The following TMOD3 variants were observed in gnomAD, a reference collection of about 807,000 sequenced individuals.
TMOD3 encodes the protein tropomodulin 3, also known as tropomodulin-3.
TMOD3 carries 20 observed loss-of-function variants against 39.2 expected under a neutral mutation model. That is an observed-to-expected ratio of 0.51 (90% CI 0.36 to 0.74). TMOD3 has a LOEUF of 0.74. TMOD3 is among the 30% of genes least tolerant of loss of function. The pLI is 0.00. For synonymous variants in TMOD3, 143 were observed against 145.8 expected, an observed-to-expected ratio of 0.98 and a Z score of 0.14; for missense variants, 381 against 412.8, an observed-to-expected ratio of 0.92 and a Z score of 0.67.
At chr15:51,871,006 C>T (rs2056472131) in intron 3 of TMOD3, among the ~76,000 whole-genome samples, 1 of 152,030 alleles carries the variant, frequency 6.6e-6, no homozygotes, top group Non-Finnish European at 1.5e-5. Context: ...ATTGGCTTTA[C>T]TTAGAGTCTG....
intron 9 of TMOD3, among the ~76,000 whole-genome samples, chr15:51,902,494 C>T (rs967574412): frequency 1.3e-5 from 2 of 152,022 alleles, no homozygotes; most frequent in African/African-American, 2.4e-5. Flanking sequence ...TTTTTTGAGA[C>T]GGAGCCTCGC....
intron 7 of TMOD3, among the ~76,000 whole-genome samples, chr15:51,898,657 A>C (rs2056633486): frequency 6.6e-6 from 1 of 152,228 alleles, no homozygotes. Context: ...TGTAGATACC[A>C]GCCACAGTTT....
At chr15:51,880,762 G>A (rs1418238329) in intron 3 of TMOD3, among the ~76,000 whole-genome samples, 3 of 152,160 alleles carry the variant, frequency 2.0e-5, no homozygotes, top group Non-Finnish European at 4.4e-5. Flanking sequence ...CTTTTTAGCT[G>A]TTGTGAATAT....
At chr15:51,856,217 T>C (rs1595894192) in intron 1 of TMOD3, among the ~76,000 whole-genome samples, 1 of 152,320 alleles carries the variant, frequency 6.6e-6, no homozygotes, top group East Asian at 1.9e-4. Context: ...GAGCCGTCAT[T>C]GCACCACTGT....
At chr15:51,876,544 C>T (rs981654165) in intron 3 of TMOD3, among the ~76,000 whole-genome samples, 3 of 149,724 alleles carry the variant, frequency 2.0e-5, no homozygotes, top group African/African-American at 4.9e-5. Flanking sequence ...TCACTGCAGG[C>T]TCCACCCCCT....
intron 1 of TMOD3, among the ~76,000 whole-genome samples, chr15:51,840,677 T>A (rs1223253321): frequency 6.6e-6 from 1 of 152,160 alleles, no homozygotes; most frequent in Non-Finnish European, 1.5e-5. Flanking sequence ...TTAAATGGAG[T>A]CCCTGATGCT....
chr15:51,859,269 T>C, intron 1 of TMOD3: 2 of 739,196 alleles, frequency 2.7e-6, no homozygotes, highest in South Asian at 2.7e-5. Flanking sequence ...TGCTCGCCAG[T>C]AGATCTGTCT....
chr15:51,863,167 C>A (rs2056427882), intron 2 of TMOD3, among the ~76,000 whole-genome samples, 157 bp downstream of exon 2: 1 of 152,208 alleles, frequency 6.6e-6, no homozygotes, highest in African/African-American at 2.4e-5. Context: ...CTCCAGTTCC[C>A]CACTTCTGCC....
intron 1 of TMOD3, among the ~76,000 whole-genome samples, chr15:51,839,165 C>CTTTTTTTTT (rs60102349): frequency 9.2e-6 from 1 of 108,968 alleles, no homozygotes; most frequent in African/African-American, 3.1e-5. Context: ...GTGTATCTCT[C>CTTTTTTTTT]TTTTTTTTTT....
intron 1 of TMOD3, among the ~76,000 whole-genome samples, chr15:51,861,520 A>G (rs1370734310): frequency 6.6e-6 from 1 of 150,406 alleles, no homozygotes; most frequent in Admixed American, 6.7e-5. Flanking sequence ...ACATACTAAA[A>G]TATTAAGCTG....
intron 9 of TMOD3, among the ~76,000 whole-genome samples, chr15:51,903,514 C>T (rs951520757): frequency 2.6e-5 from 4 of 152,184 alleles, no homozygotes; most frequent in Non-Finnish European, 4.4e-5. Context: ...ATCCAGATCA[C>T]GTGGAAAATA....
intron 1 of TMOD3, among the ~76,000 whole-genome samples, chr15:51,831,187 T>G (rs1223885491): frequency 6.6e-6 from 1 of 152,248 alleles, no homozygotes; most frequent in Non-Finnish European, 1.5e-5. Context: ...TTGAGAATGC[T>G]GTAGACCTAC....
At chr15:51,877,028 A>C (rs2570260) in intron 3 of TMOD3, among the ~76,000 whole-genome samples, 2 of 151,806 alleles carry the variant, frequency 1.3e-5, no homozygotes, top group South Asian at 2.1e-4. Context: ...ATGCCACTGC[A>C]CTCCACCCTT....
At chr15:51,865,959 C>T (rs1256731308) in intron 2 of TMOD3, among the ~76,000 whole-genome samples, 1 of 151,658 alleles carries the variant, frequency 6.6e-6, no homozygotes, top group Non-Finnish European at 1.5e-5. Flanking sequence ...TTTTTCCCCC[C>T]CAAGGCTAGG....
intron 1 of TMOD3, chr15:51,858,498 C>A (rs148914094): frequency 6.6e-6 from 1 of 151,634 alleles, no homozygotes; most frequent in African/African-American, 2.4e-5. Flanking sequence ...ATACACCAGA[C>A]CTGTTTTGGG....
chr15:51,905,566 G>A (rs1212339319), intron 9 of TMOD3, among the ~76,000 whole-genome samples: 1 of 152,044 alleles, frequency 6.6e-6, no homozygotes, highest in Non-Finnish European at 1.5e-5. Context: ...AAAGAACTTT[G>A]ATTTATTTGG....
chr15:51,891,198 T>G (rs1326173726), intron 5 of TMOD3, among the ~76,000 whole-genome samples: 1 of 152,082 alleles, frequency 6.6e-6, no homozygotes, highest in Non-Finnish European at 1.5e-5. Flanking sequence ...GTTTGTCTTT[T>G]TAGTCTCCCT....
At chr15:51,898,509 G>A (rs1187929306) in intron 7 of TMOD3, among the ~76,000 whole-genome samples, 1 of 152,126 alleles carries the variant, frequency 6.6e-6, no homozygotes, top group East Asian at 1.9e-4. Flanking sequence ...GCCAGGCAGG[G>A]ACCAATGTGT....
chr15:51,871,773 A>G (rs1056697763), intron 3 of TMOD3, among the ~76,000 whole-genome samples: 4 of 151,500 alleles, frequency 2.6e-5, no homozygotes, highest in Non-Finnish European at 5.9e-5. Flanking sequence ...CTATGGTAGA[A>G]TATCTTTGTC....
Sources: gnomAD v4.1 joint callset for allele counts (sites outside exome capture counted in the v4.1 genomes callset) on GRCh38, gnomAD v4.1.1 for gene constraint, MANE v1.5 for transcripts, NCBI Gene and HGNC (gene_info 2026-07-23, HGNC 2026-07-21) for gene names.